TNKS2: variants seen among roughly 807,000 people sequenced by gnomAD.
TNKS2 encodes the protein poly [ADP-ribose] polymerase tankyrase-2.
TNKS2 carries 72 observed loss-of-function variants against 137.6 expected under a neutral mutation model. The observed-to-expected ratio is 0.52, with a 90% CI of 0.43 to 0.64. The LOEUF (loss-of-function observed/expected upper bound fraction) is 0.64. TNKS2 is among the 30% of genes least tolerant of loss of function. The probability of loss-of-function intolerance (pLI) is 0.00; values close to 1 mark genes in which losing one functional copy is unlikely to be tolerated. For missense variants in TNKS2, 1,049 were observed against 1,410.2 expected (o/e 0.74, Z 4.10); for synonymous variants, 516 against 512.1 (o/e 1.01, Z -0.10).
At chr10:91,809,188 T>G (rs1259970160) in intron 1 of TNKS2, among the ~76,000 whole-genome samples, 1 of 152,114 alleles carries the variant, frequency 6.6e-6, no homozygotes, top group Non-Finnish European at 1.5e-5. Context: ...TTAGCAGATG[T>G]TTGCTTGCAT....
intron 18 of TNKS2, among the ~76,000 whole-genome samples, chr10:91,846,326 C>G (rs1027196382): frequency 3.9e-5 from 6 of 152,214 alleles, no homozygotes; most frequent in Admixed American, 6.5e-5. Context: ...ACATTGCCCC[C>G]CAAGGTGCAG....
chr10:91,810,000 G>T (rs927379586), intron 1 of TNKS2, among the ~76,000 whole-genome samples: 2 of 152,156 alleles, frequency 1.3e-5, no homozygotes, highest in African/African-American at 4.8e-5. Flanking sequence ...TTAATTTGCA[G>T]TTCTATGAAT....
chr10:91,804,750 G>GT (rs1157798332), intron 1 of TNKS2, among the ~76,000 whole-genome samples: 1 of 152,132 alleles, frequency 6.6e-6, no homozygotes, highest in Non-Finnish European at 1.5e-5. Flanking sequence ...GGGAAGTATG[G>GT]TTTTTTGGGG....
At chr10:91,859,368 T>C (rs1389565149) in intron 24 of TNKS2, 94 bp from the exon 25 acceptor site, 2 of 1,071,028 alleles carry the variant, frequency 1.9e-6, no homozygotes, top group African/African-American at 1.6e-5. Flanking sequence ...GGTTGGGCTA[T>C]ATATTTAAGA....
intron 3 of TNKS2, 27 bp from the exon 4 acceptor site, chr10:91,819,243 A>G (rs1322803418): frequency 8.8e-6 from 11 of 1,250,790 alleles, no homozygotes; most frequent in African/African-American, 2.2e-5. Context: ...TTTAATTTCT[A>G]TACTTTTTTT....
chr10:91,839,881 C>T (rs559856121), intron 13 of TNKS2, among the ~76,000 whole-genome samples: 1 of 152,304 alleles, frequency 6.6e-6, no homozygotes, highest in South Asian at 2.1e-4. Flanking sequence ...TCTTAATAAG[C>T]TCCTTGGTAA....
chr10:91,815,846 A>G (rs1303206584), intron 2 of TNKS2, among the ~76,000 whole-genome samples: 2 of 151,642 alleles, frequency 1.3e-5, no homozygotes, highest in African/African-American at 4.8e-5. Flanking sequence ...TTCTGCACAT[A>G]TTTGCCTGTC....
intron 1 of TNKS2, among the ~76,000 whole-genome samples, chr10:91,802,161 A>G (rs1432296151): frequency 3.9e-5 from 6 of 152,246 alleles, no homozygotes; most frequent in Non-Finnish European, 7.3e-5. Flanking sequence ...CCACATACAT[A>G]GGACCAGTTA....
intron 1 of TNKS2, among the ~76,000 whole-genome samples, chr10:91,806,262 A>C (rs1844324025): frequency 6.6e-6 from 1 of 152,138 alleles, no homozygotes; most frequent in Non-Finnish European, 1.5e-5. Context: ...TATAATTATC[A>C]AATATCGTAC....
intron 1 of TNKS2, among the ~76,000 whole-genome samples, chr10:91,808,711 A>G (rs1844405605): frequency 6.6e-6 from 1 of 152,160 alleles, no homozygotes; most frequent in Admixed American, 6.5e-5. Context: ...TTGGGTGAAA[A>G]GTGTAGACTG....
At chr10:91,813,776 A>G (rs910102599) in intron 2 of TNKS2, among the ~76,000 whole-genome samples, 20 of 152,196 alleles carry the variant, frequency 1.3e-4, no homozygotes, top group African/African-American at 3.1e-4. Flanking sequence ...GATGACATAC[A>G]TAAGGGTGGT....
In TNKS2 at chr10:91,817,138, G is replaced by T. The variant is rs748381585; in HGVS notation, c.429G>T (p.Leu143=). ...IKGKIDVCIV[L]LQHGAEPTIR... ...AATAGTGTTGCTATTTTGCAGTGCTGTTACAGCATGGAGCTGAGCCAACCA... is the reference window on the plus strand; with the variant it reads ...AATAGTGTTGCTATTTTGCAGTGCTTTTACAGCATGGAGCTGAGCCAACCA... The change falls in exon 3 of 27, where the codon CTG becomes CTT. Residue 143 remains leucine, a synonymous_variant. Coordinates refer to ENST00000371627, the MANE Select transcript of TNKS2 (RefSeq NM_025235.4). 6.2e-7 allele frequency: 1 copy of T among 1,612,224 alleles called. No individual in the cohort carries two copies. Among genetic ancestry groups the T allele is most frequent in the Admixed American group, 1.7e-5 (1 of 59,888 alleles).
intron 14 of TNKS2, 97 bp from the exon 15 acceptor site, chr10:91,841,186 T>C (rs764506828): frequency 1.1e-5 from 12 of 1,116,398 alleles, no homozygotes; most frequent in Non-Finnish European, 1.5e-5. Flanking sequence ...GTATAATTCC[T>C]TATGTAGTTC....
At chr10:91,798,921 C>G in intron 1 of TNKS2, 32 bp downstream of exon 1, 3 of 1,340,552 alleles carry the variant, frequency 2.2e-6, no homozygotes, top group Non-Finnish European at 2.9e-6. Flanking sequence ...TCGCCTCGCT[C>G]CAGACCCCAC....
At chr10:91,803,112 A>G (rs1844221443) in intron 1 of TNKS2, among the ~76,000 whole-genome samples, 1 of 152,220 alleles carries the variant, frequency 6.6e-6, no homozygotes, top group East Asian at 1.9e-4. Context: ...CTGGCCAGAC[A>G]GTATGTCTAT....
intron 20 of TNKS2, among the ~76,000 whole-genome samples, chr10:91,851,006 A>G (rs1170988762): frequency 6.6e-6 from 1 of 152,242 alleles, no homozygotes. Flanking sequence ...AAGATAAAAT[A>G]GAATACCTGA....
At chr10:91,844,805 C>T (rs1589683759) in intron 16 of TNKS2, 114 bp from the exon 17 acceptor site, 1 of 584,868 alleles carries the variant, frequency 1.7e-6, no homozygotes, top group Non-Finnish European at 2.9e-6. Flanking sequence ...CTTATAAATA[C>T]ATATATATAT....
At chr10:91,854,033 TATG>T (rs1279323055) in intron 21 of TNKS2, among the ~76,000 whole-genome samples, 2 of 152,236 alleles carry the variant, frequency 1.3e-5, no homozygotes, top group African/African-American at 4.8e-5. Context: ...GAAAAATAGA[TATG>T]ATTATCTTGA....
chr10:91,818,080 C>A (rs1844769384), intron 3 of TNKS2, among the ~76,000 whole-genome samples: 1 of 152,210 alleles, frequency 6.6e-6, no homozygotes. Context: ...TAGAAGTGTG[C>A]ACTGTTATTG....
Sources: allele counts gnomAD v4.1 joint callset (sites outside exome capture counted in the v4.1 genomes callset), GRCh38; gene constraint gnomAD v4.1.1; transcripts MANE v1.5; gene names NCBI Gene and HGNC (gene_info 2026-07-23, HGNC 2026-07-21).